FGD6: variants seen among roughly 807,000 people sequenced by gnomAD.
The protein encoded by FGD6 is FYVE, RhoGEF and PH domain containing 6.
Under a neutral mutation model 149.4 loss-of-function variants are expected in FGD6, and 90 were observed. The ratio of observed to expected loss-of-function variants is 0.60; its 90% confidence interval spans 0.51 to 0.72. FGD6 has a LOEUF of 0.72. FGD6 is among the 30% of genes least tolerant of loss of function. The pLI is 0.00. For synonymous variants in FGD6, 527 were observed against 584.0 expected (o/e 0.90, Z 1.41); for missense variants, 1,437 against 1,684.8 (o/e 0.85, Z 2.57).
intron 9 of FGD6, among the ~76,000 whole-genome samples, chr12:95,112,253 A>G (rs963280444): frequency 1.8e-4 from 24 of 133,248 alleles, no homozygotes; most frequent in African/African-American, 6.6e-4. Context: ...AAAAAAAAAA[A>G]TGTGATCAAA....
intron 2 of FGD6, among the ~76,000 whole-genome samples, chr12:95,174,657 G>A (rs893624782): frequency 3.9e-5 from 6 of 152,120 alleles, no homozygotes; most frequent in Non-Finnish European, 5.9e-5. Context: ...GGCCAGGCGC[G>A]GTGGCTCACG....
At chr12:95,121,481 G>GTGTGTA (rs1491167311) in intron 8 of FGD6, among the ~76,000 whole-genome samples, 2 of 121,882 alleles carry the variant, frequency 1.6e-5, no homozygotes, top group African/African-American at 6.7e-5. Context: ...ATATATATAT[G>GTGTGTA]TATATATATA....
In FGD6 at chr12:95,087,192, C is replaced by A. The variant is rs151221041; in HGVS notation, c.3979-1284G>T. 8.3e-4 allele frequency among the ~76,000 whole-genome samples: 126 copies of A among 152,192 alleles called. 1 individual carries two copies. Among genetic ancestry groups the A allele is most frequent in the African/African-American group, 2.7e-3 (111 of 41,524 alleles). ...TAAAAATGTAGGAGTAGATAAATAACAAAATGTTTAGGATCTACCTTAGTA... is the reference window on the plus strand; with the variant it reads ...TAAAAATGTAGGAGTAGATAAATAAAAAAATGTTTAGGATCTACCTTAGTA... On this transcript the variant is annotated intron_variant, in intron 18 of 20. Transcript: ENST00000343958.
At chr12:95,154,287 T>C (rs573608657) in intron 3 of FGD6, among the ~76,000 whole-genome samples, 94 of 152,188 alleles carry the variant, frequency 6.2e-4, no homozygotes, top group African/African-American at 1.9e-3. Context: ...TGGACTACTT[T>C]GTATAAAAAC....
At chr12:95,154,181 C>T (rs746391160) in intron 3 of FGD6, among the ~76,000 whole-genome samples, 1 of 151,996 alleles carries the variant, frequency 6.6e-6, no homozygotes, top group Non-Finnish European at 1.5e-5. Context: ...AGGATGGTCT[C>T]GATCTCCTGA....
At chr12:95,120,371 A>C (rs1379976914) in intron 8 of FGD6, among the ~76,000 whole-genome samples, 1 of 149,442 alleles carries the variant, frequency 6.7e-6, no homozygotes, top group African/African-American at 2.5e-5. Flanking sequence ...ATGATTTGTG[A>C]TATAGAAAAA....
At chr12:95,206,244 G>C (rs1308361186) in intron 2 of FGD6, among the ~76,000 whole-genome samples, 1 of 151,650 alleles carries the variant, frequency 6.6e-6, no homozygotes, top group Non-Finnish European at 1.5e-5. Context: ...ATTTATCTTA[G>C]GCAAGGATAG....
intron 8 of FGD6, among the ~76,000 whole-genome samples, chr12:95,130,753 C>T (rs1404204897): frequency 6.6e-5 from 10 of 151,930 alleles, no homozygotes. Flanking sequence ...GCCTAGACAG[C>T]AGTACTTTCA....
chr12:95,147,336 C>T (rs539659341), intron 5 of FGD6, among the ~76,000 whole-genome samples: 10 of 152,168 alleles, frequency 6.6e-5, no homozygotes, highest in Admixed American at 2.6e-4. Flanking sequence ...CCCAGTGATA[C>T]GGTATATAAT....
At chr12:95,129,265 A>T (rs528815924) in intron 8 of FGD6, among the ~76,000 whole-genome samples, 2 of 152,078 alleles carry the variant, frequency 1.3e-5, no homozygotes, top group East Asian at 3.9e-4. Context: ...TTATTAATCC[A>T]TCCGTCCATG....
Position 95,081,391 on chromosome 12 carries a change from T to G in FGD6, c.*129A>C, listed in dbSNP as rs1592821088. 2 of 611,498 alleles carry G rather than the reference T, an allele frequency of 3.3e-6. No homozygotes were observed. Among genetic ancestry groups the G allele is most frequent in the Admixed American group, 3.8e-5 (1 of 26,468 alleles). The allele number at this position is 611,498 out of a possible 1,614,324, so 37.9% of individuals were successfully genotyped here. A position where few individuals can be genotyped will look rare whatever the true frequency, so the allele number is the denominator to read the frequency against. The stretch of plus-strand genomic sequence containing the variant: ...ATTGCTTATACCTAACAAAACAATT[T>G]CTTTGATGAAGGGTCTGGTTGGCTT... On this transcript the variant is annotated 3_prime_UTR_variant, in exon 21 of 21. Coordinates refer to ENST00000343958, the MANE Select transcript of FGD6 (RefSeq NM_018351.4).
chr12:95,126,287 GA>G, intron 8 of FGD6: 1 of 1,439,078 alleles, frequency 6.9e-7, no homozygotes, highest in Non-Finnish European at 9.7e-7. Context: ...TTCCTGCCCA[GA>G]AAGCCACAGG....
chr12:95,124,726 C>A (rs1442060012), intron 8 of FGD6, among the ~76,000 whole-genome samples: 1 of 152,150 alleles, frequency 6.6e-6, no homozygotes, highest in Admixed American at 6.5e-5. Context: ...ACAAACAAAC[C>A]CACCCTATTT....
chr12:95,154,107 G>C (rs142353920), intron 3 of FGD6, among the ~76,000 whole-genome samples: 1 of 151,972 alleles, frequency 6.6e-6, no homozygotes, highest in Non-Finnish European at 1.5e-5. Context: ...CTACAGGTGC[G>C]TGCCATCACG....
At chr12:95,113,804 A>G in intron 8 of FGD6, 103 bp from the exon 9 acceptor site, 4 of 648,218 alleles carry the variant, frequency 6.2e-6, no homozygotes, top group East Asian at 6.1e-5. Flanking sequence ...GTTAATATAC[A>G]TGCTAGTCCA....
chr12:95,090,083 A>G (rs1458256882), intron 17 of FGD6, among the ~76,000 whole-genome samples: 1 of 152,136 alleles, frequency 6.6e-6, no homozygotes, highest in African/African-American at 2.4e-5. Context: ...AAAGGGGGCT[A>G]TCGGACACGG....
intron 8 of FGD6, chr12:95,126,179 C>A: frequency 9.0e-7 from 1 of 1,105,852 alleles, no homozygotes; most frequent in Non-Finnish European, 1.4e-6. Flanking sequence ...AAGCTTCTCT[C>A]AAAAAAGCAC....
intron 17 of FGD6, 61 bp downstream of exon 17, chr12:95,091,646 G>T: frequency 8.7e-7 from 1 of 1,143,520 alleles, no homozygotes; most frequent in Non-Finnish European, 1.3e-6. Context: ...CTCTCAGAAG[G>T]TTGTTTGAAA....
chr12:95,090,970 C>T (rs12302256), intron 17 of FGD6, among the ~76,000 whole-genome samples: 1,583 of 152,202 alleles, frequency 0.01, 28 homozygotes, highest in African/African-American at 0.035. Context: ...GGCGTGGTCA[C>T]GCGTGCCCGT....
Sources: allele counts gnomAD v4.1 joint callset (sites outside exome capture counted in the v4.1 genomes callset), GRCh38; gene constraint gnomAD v4.1.1; transcripts MANE v1.5; gene names NCBI Gene and HGNC (gene_info 2026-07-23, HGNC 2026-07-21).